TCF20: variants seen among roughly 807,000 people sequenced by gnomAD.
The protein encoded by TCF20 is transcription factor 20, also known as SPRE-binding protein.
In TCF20, 3 loss-of-function variants were observed where a neutral mutation model predicts 148.6. The ratio of observed to expected loss-of-function variants is 0.02; its 90% CI spans 0.01 to 0.05. The LOEUF (loss-of-function observed/expected upper bound fraction) is 0.05, where lower values mean the gene tolerates loss of function less well. Ranked by LOEUF, TCF20 falls within the 10% of genes least tolerant of loss-of-function variation. TCF20 has a pLI of 1.00. For missense variants in TCF20, 2,350 were observed against 2,429.3 expected, an observed-to-expected ratio of 0.97 and a Z score of 0.69; for synonymous variants, 1,049 against 909.5, an observed-to-expected ratio of 1.15 and a Z score of -2.76.
At chr22:42,272,185 TATTCCC>T (rs1926647278), upstream of TCF20, among the ~76,000 whole-genome samples, 1 of 152,230 alleles carries the variant, frequency 6.6e-6, no homozygotes, top group Non-Finnish European at 1.5e-5. Flanking sequence ...GCCCTCTGAT[TATTCCC>T]ATTGTTCTTC....
At position 42,303,460 on chromosome 22, in the gene TCF20, C is replaced by T. The variant is rs143136603; in HGVS notation, c.-37+40019G>A. On this transcript the variant is annotated intron_variant, in intron 1 of 1. Transcript: ENST00000515426. ...GCAGGGCAGGGATCCAGGCACTCTG[C>T]AGTCGAGCTCTGTAACCTGCACAAC... Among the ~76,000 whole-genome samples the T allele has an allele frequency of 2.3e-3, 346 of 152,384 alleles. 1 individual carries two copies. The highest frequency in any genetic ancestry group is 8.0e-3 in the African/African-American group (331 of 41,596).
rs144843909 is a variant in TCF20, at chr22:42,215,211, G to A, written c.95C>T (p.Pro32Leu). The A allele has an allele frequency of 3.1e-6, 5 of 1,614,060 alleles. No individual in the cohort carries two copies. The highest frequency in any genetic ancestry group is 2.7e-5 in the African/African-American group (2 of 74,924). ...HGSSRLEEFS[P>L]RQAQMFQNFG... ...ATTCTGGAACATCTGGGCCTGACGAGGGCTGAACTCTTCTAGCCGGGATGA... is the reference window on the plus strand; with the variant it reads ...ATTCTGGAACATCTGGGCCTGACGAAGGCTGAACTCTTCTAGCCGGGATGA... Residue 32 changes from proline (P) to leucine (L), a missense_variant, in exon 2 of 6, where the codon CCT (proline) becomes CTT (leucine). Coordinates refer to ENST00000677622, the MANE Select transcript of TCF20 (RefSeq NM_001378418.1).
At chr22:42,191,461 G>A (rs1937332112) in intron 2 of TCF20, among the ~76,000 whole-genome samples, 1 of 152,054 alleles carries the variant, frequency 6.6e-6, no homozygotes, top group African/African-American at 2.4e-5. Flanking sequence ...GCTAACTTTT[G>A]TATTTTTAGT....
intron 1 of TCF20, among the ~76,000 whole-genome samples, chr22:42,300,451 G>A (rs1268390010): frequency 2.0e-5 from 3 of 152,130 alleles, no homozygotes; most frequent in Non-Finnish European, 4.4e-5. Context: ...CTGGGGCCCA[G>A]AACCTCGGTC....
At chr22:42,311,104 G>T (rs1045478401) in intron 1 of TCF20, among the ~76,000 whole-genome samples, 1 of 152,150 alleles carries the variant, frequency 6.6e-6, no homozygotes, top group African/African-American at 2.4e-5. Flanking sequence ...CAGGAATCGG[G>T]GGACAGGGGG....
intron 3 of TCF20, among the ~76,000 whole-genome samples, chr22:42,177,143 G>A (rs1047872651): frequency 7.2e-5 from 11 of 152,064 alleles, no homozygotes; most frequent in Non-Finnish European, 1.0e-4. Context: ...CGCTGGGCGC[G>A]GTGGCTCACG....
chr22:42,287,024 T>A (rs134899), upstream of TCF20, among the ~76,000 whole-genome samples: 1 of 151,084 alleles, frequency 6.6e-6, no homozygotes, highest in Non-Finnish European at 1.5e-5. Context: ...AAAGGCTTCC[T>A]GGAGGAGGAG....
intron 1 of TCF20, among the ~76,000 whole-genome samples, chr22:42,303,507 C>T (rs183667549): frequency 6.6e-6 from 1 of 152,366 alleles, no homozygotes; most frequent in East Asian, 1.9e-4. Context: ...AGCTATTACA[C>T]CGTTTTCCAG....
At position 42,299,851 on chromosome 22, in the gene TCF20, G is replaced by C. The variant is rs999169703; in HGVS notation, c.-37+43628C>G. Among the ~76,000 whole-genome samples, 16 of 151,412 alleles carry C rather than the reference G, an allele frequency of 1.1e-4. No individual in the cohort carries two copies. The East Asian group carries it at 2.3e-3, about 22-fold the overall frequency. On this transcript the variant is annotated intron_variant, in intron 1 of 1. Coordinates refer to the TCF20 transcript ENST00000515426. This position sits in a 1 kb window ranked among gnomAD's most constrained non-coding sequence, Gnocchi z 4.1. ...GAGAAGGGGGAGAAGGAAGCGGAGGGGAGGAGGGAGGAGGGAAAAGACAGA... is the reference window on the plus strand; with the variant it reads ...GAGAAGGGGGAGAAGGAAGCGGAGGCGAGGAGGGAGGAGGGAAAAGACAGA...
intron 1 of TCF20, among the ~76,000 whole-genome samples, chr22:42,266,028 C>G (rs902154911): frequency 6.6e-6 from 1 of 151,926 alleles, no homozygotes; most frequent in Non-Finnish European, 1.5e-5. Context: ...CAAAAACCAC[C>G]CTTTCCAGTA....
In TCF20 at chr22:42,160,052, ATTT is replaced by A. The variant is rs1021100144; in HGVS notation, c.*1348_*1350del. The A allele has an allele frequency of 6.6e-6, 1 of 152,276 alleles. No individual in the cohort carries two copies. The highest frequency in any genetic ancestry group is 2.4e-5 in the African/African-American group (1 of 41,328). The allele number at this position is 152,276 out of a possible 1,614,324, so 9.4% of individuals were successfully genotyped here. A position where few individuals can be genotyped will look rare whatever the true frequency, so the allele number is the denominator to read the frequency against. On this transcript the variant is annotated 3_prime_UTR_variant, in exon 6 of 6. Coordinates refer to ENST00000677622, the MANE Select transcript of TCF20 (RefSeq NM_001378418.1). ...AGTTTATTATTTTTTTGATTTTTTGATTTTTTTTGTTTTTTGTTTTTTTAAATA... is the reference window on the plus strand; with the variant it reads ...AGTTTATTATTTTTTTGATTTTTTGATTTTTGTTTTTTGTTTTTTTAAATA...
At chr22:42,197,179 T>C (rs928492096) in intron 2 of TCF20, among the ~76,000 whole-genome samples, 1 of 152,164 alleles carries the variant, frequency 6.6e-6, no homozygotes, top group Non-Finnish European at 1.5e-5. Context: ...AGGTAGCTCA[T>C]AATATTTGCT....
intron 1 of TCF20, among the ~76,000 whole-genome samples, chr22:42,242,095 C>T (rs1482455363): frequency 3.4e-5 from 5 of 148,532 alleles, no homozygotes; most frequent in Admixed American, 2.1e-4. Flanking sequence ...CCCAGCTACT[C>T]GGGAGGCCGA....
Position 42,242,108 on chromosome 22 carries a change from C to G in TCF20, c.-36-26767G>C, listed in dbSNP as rs891253312. ...GTCCCAGCTACTCGGGAGGCCGAGG[C>G]AGAAGAATCACTTGAACCCAGGAGG... On this transcript the variant is annotated intron_variant, in intron 1 of 5. Coordinates refer to ENST00000677622, the MANE Select transcript of TCF20 (RefSeq NM_001378418.1). Among the ~76,000 whole-genome samples, 4 of 143,882 alleles carry G rather than the reference C, an allele frequency of 2.8e-5. No homozygotes were observed. The Admixed American group carries it at 3.0e-4, about 11-fold the overall frequency. 94.4% of individuals were successfully genotyped at this position (143,882 alleles called of 152,430 possible).
At chr22:42,271,464 C>T (rs796820728), upstream of TCF20, among the ~76,000 whole-genome samples, 9 of 152,348 alleles carry the variant, frequency 5.9e-5, no homozygotes, top group African/African-American at 2.2e-4. Flanking sequence ...CCTGATGTTT[C>T]TAAAGCAAAG....
At position 42,211,394 on chromosome 22, in the gene TCF20, G is replaced by T; in HGVS notation, c.3912C>A (p.His1304Gln). The T allele has an allele frequency of 6.2e-7, 1 of 1,614,204 alleles. No individual in the cohort carries two copies. Among genetic ancestry groups the T allele is most frequent in the Non-Finnish European group, 8.5e-7 (1 of 1,180,044 alleles). ...TAGGGATAGACTTGATATCCTGACTGTGAGAAAGATGGGCATAGGAATTGA... is the reference window on the plus strand; with the variant it reads ...TAGGGATAGACTTGATATCCTGACTTTGAGAAAGATGGGCATAGGAATTGA... ...KAFNSYAHLS[H>Q]SQDIKSIPKR... Residue 1304 changes from histidine (H) to glutamine (Q), a missense_variant, in exon 2 of 6, where the codon CAC becomes CAA. This residue lies in a region of TCF20 where 1,641 missense variants were observed against 1,662.6 expected (regional missense o/e 0.99). Transcript: ENST00000677622.
rs1056080811 is a variant in TCF20 at position 42,292,753 on chromosome 22, C to T, written c.-37+50726G>A. 6.6e-6 allele frequency among the ~76,000 whole-genome samples: 1 copy of T among 152,020 alleles called. No homozygotes were observed. Among genetic ancestry groups the T allele is most frequent in the African/African-American group, 2.4e-5 (1 of 41,370 alleles). ...AGGCTCGGATTGGATTCTCAGGCCT[C>T]TCTGCTCCCAGCCAGCCCCTCTGCG... On this transcript the variant is annotated intron_variant, in intron 1 of 1. Coordinates refer to the TCF20 transcript ENST00000515426. This position sits in a 1 kb window ranked among gnomAD's most constrained non-coding sequence, Gnocchi z 4.9.
At chr22:42,203,002 C>T (rs993049119) in intron 2 of TCF20, among the ~76,000 whole-genome samples, 1 of 152,206 alleles carries the variant, frequency 6.6e-6, no homozygotes, top group African/African-American at 2.4e-5. Context: ...CCTGCTTTTA[C>T]ATACTATTTG....
At chr22:42,268,394 T>G (rs1209378492) in intron 1 of TCF20, among the ~76,000 whole-genome samples, 1 of 152,200 alleles carries the variant, frequency 6.6e-6, no homozygotes, top group Non-Finnish European at 1.5e-5. Context: ...TGCGGAGCAC[T>G]GGCTACCAGT....
Sources: gnomAD v4.1 joint callset for allele counts (sites outside exome capture counted in the v4.1 genomes callset) on GRCh38, gnomAD v4.1.1 for gene constraint, gnomAD v4.1.1 regional missense constraint, Gnocchi (gnomAD v3.1) non-coding constraint, MANE v1.5 for transcripts, NCBI Gene and HGNC (gene_info 2026-07-23, HGNC 2026-07-21) for gene names.